The following GALNTL6 variants were observed in gnomAD, a reference collection of about 807,000 sequenced individuals.
GALNTL6 encodes the protein polypeptide N-acetylgalactosaminyltransferase-like 6.
Under a neutral mutation model 73.7 loss-of-function variants are expected in GALNTL6, and 46 were observed. That is an observed-to-expected ratio of 0.62 (90% confidence interval 0.49 to 0.80). GALNTL6 has a LOEUF of 0.80. GALNTL6 is among the 30% of genes least tolerant of loss of function. The pLI, the probability that GALNTL6 is intolerant of heterozygous loss-of-function variation, is 0.00. For synonymous variants in GALNTL6, 259 were observed against 263.7 expected, an observed-to-expected ratio of 0.98 and a Z score of 0.17; for missense variants, 604 against 755.0, an observed-to-expected ratio of 0.80 and a Z score of 2.34.
At chr4:171,900,690 A>C (rs936100796) in intron 2 of GALNTL6, among the ~76,000 whole-genome samples, 1 of 152,116 alleles carries the variant, frequency 6.6e-6, no homozygotes, top group Non-Finnish European at 1.5e-5. Context: ...ATATGTGAAA[A>C]TAATTATTTA....
chr4:171,877,125 A>G (rs547086150), intron 2 of GALNTL6, among the ~76,000 whole-genome samples: 32 of 152,282 alleles, frequency 2.1e-4, no homozygotes, highest in Non-Finnish European at 3.4e-4. Flanking sequence ...AAAATTCAGT[A>G]TTAGTGTTCA....
chr4:172,587,769 G>A (rs1194755972), intron 5 of GALNTL6, among the ~76,000 whole-genome samples: 1 of 152,108 alleles, frequency 6.6e-6, no homozygotes, highest in Non-Finnish European at 1.5e-5. Context: ...CTAGACTAGT[G>A]TGTGTGTCTG....
chr4:172,397,157 T>C (rs904750898), intron 5 of GALNTL6, among the ~76,000 whole-genome samples: 2 of 152,290 alleles, frequency 1.3e-5, no homozygotes, highest in East Asian at 3.9e-4. Flanking sequence ...TTAGAAATTA[T>C]AGTATTTAAT....
At chr4:172,685,193 T>A (rs139325996) in intron 5 of GALNTL6, among the ~76,000 whole-genome samples, 1 of 152,266 alleles carries the variant, frequency 6.6e-6, no homozygotes, top group Non-Finnish European at 1.5e-5. Flanking sequence ...TTCACCGAGA[T>A]TCATGTATGT....
intron 3 of GALNTL6, among the ~76,000 whole-genome samples, chr4:172,295,227 G>A (rs1208621726): frequency 1.3e-5 from 2 of 152,022 alleles, no homozygotes; most frequent in Admixed American, 6.6e-5. Flanking sequence ...TTCAAGACCA[G>A]CCTGGCCAAT....
chr4:172,020,497 G>A (rs2110799435), intron 2 of GALNTL6, among the ~76,000 whole-genome samples: 1 of 151,356 alleles, frequency 6.6e-6, no homozygotes, highest in South Asian at 2.1e-4. Flanking sequence ...TGATACTGTA[G>A]AAATTCAAAG....
At chr4:172,658,834 T>C (rs950810285) in intron 5 of GALNTL6, among the ~76,000 whole-genome samples, 1 of 152,166 alleles carries the variant, frequency 6.6e-6, no homozygotes, top group African/African-American at 2.4e-5. Context: ...AGTAAACATG[T>C]TTTCTAGCCC....
At position 172,881,221 on chromosome 4, in the gene GALNTL6, C is replaced by T. The variant is rs559665501; in HGVS notation, c.924-1569C>T. Among the ~76,000 whole-genome samples, 9 of 152,254 alleles carry T rather than the reference C, an allele frequency of 5.9e-5. No homozygotes were observed. In the South Asian group the frequency reaches 1.9e-3, roughly 32 times the overall value. ...TAAATGTTACAATCCTAGTTTGTTG[C>T]AGCTTCAGTTGTAATTCCACTCTGA... On this transcript the variant is annotated intron_variant, in intron 7 of 12. Transcript: ENST00000506823.
chr4:171,964,899 G>A (rs1739343250), intron 2 of GALNTL6, among the ~76,000 whole-genome samples: 1 of 152,230 alleles, frequency 6.6e-6, no homozygotes, highest in South Asian at 2.1e-4. Context: ...CTAAGGCTCA[G>A]CCTCTCCCCC....
intron 8 of GALNTL6, among the ~76,000 whole-genome samples, chr4:172,903,069 T>G (rs1016982171): frequency 3.3e-5 from 5 of 152,120 alleles, no homozygotes; most frequent in African/African-American, 4.8e-5. Flanking sequence ...TGTCTAATCT[T>G]TCTCCTCTTT....
At chr4:172,168,813 C>G (rs1734718718) in intron 2 of GALNTL6, among the ~76,000 whole-genome samples, 3 of 152,130 alleles carry the variant, frequency 2.0e-5, no homozygotes, top group Admixed American at 6.6e-5. Flanking sequence ...AATAGTAAAC[C>G]TAGTTATGCC....
At chr4:172,750,919 C>A (rs1047068084) in intron 5 of GALNTL6, among the ~76,000 whole-genome samples, 2 of 152,000 alleles carry the variant, frequency 1.3e-5, no homozygotes, top group African/African-American at 2.4e-5. Context: ...GACTCTGGAG[C>A]CTCAATGTTA....
chr4:172,006,878 C>T (rs573205868), intron 2 of GALNTL6, among the ~76,000 whole-genome samples: 14 of 151,642 alleles, frequency 9.2e-5, no homozygotes, highest in Middle Eastern at 3.4e-3. Flanking sequence ...CAGTTATCTA[C>T]AAAAATGTTT....
chr4:172,436,757 AG>A (rs1731647591), intron 5 of GALNTL6, among the ~76,000 whole-genome samples: 1 of 152,042 alleles, frequency 6.6e-6, no homozygotes, highest in Non-Finnish European at 1.5e-5. Context: ...GAAGTATTTC[AG>A]GAGTTGTTGT....
intron 5 of GALNTL6, among the ~76,000 whole-genome samples, chr4:172,590,171 A>T (rs1285207109): frequency 6.6e-6 from 1 of 152,150 alleles, no homozygotes; most frequent in Admixed American, 6.6e-5. Context: ...TATGGGGAAA[A>T]TATTATAATC....
chr4:171,901,206 ATATT>A (rs1375071378), intron 2 of GALNTL6, among the ~76,000 whole-genome samples: 1 of 152,172 alleles, frequency 6.6e-6, no homozygotes, highest in Non-Finnish European at 1.5e-5. Flanking sequence ...CCTCCAGACT[ATATT>A]TAAGAAGATT....
chr4:172,834,621 C>T (rs1742811866), intron 7 of GALNTL6, among the ~76,000 whole-genome samples: 1 of 152,196 alleles, frequency 6.6e-6, no homozygotes, highest in Admixed American at 6.5e-5. Flanking sequence ...GACAGGAAGA[C>T]ATCAATCATG....
intron 8 of GALNTL6, among the ~76,000 whole-genome samples, chr4:172,893,798 G>A (rs144195910): frequency 2.0e-5 from 3 of 152,298 alleles, no homozygotes; most frequent in African/African-American, 7.2e-5. Context: ...TGGGATCCAT[G>A]CAGGTTTGAG....
At chr4:172,076,268 T>A (rs1421427551) in intron 2 of GALNTL6, among the ~76,000 whole-genome samples, 3 of 152,138 alleles carry the variant, frequency 2.0e-5, no homozygotes, top group African/African-American at 4.8e-5. Context: ...CTATTCAGCA[T>A]CTCTTTTCAC....
Sources: allele counts gnomAD v4.1 joint callset (sites outside exome capture counted in the v4.1 genomes callset), GRCh38; gene constraint gnomAD v4.1.1; transcripts MANE v1.5; gene names NCBI Gene and HGNC (gene_info 2026-07-23, HGNC 2026-07-21).